Variants in NCOA7 observed in about 807,000 individuals in gnomAD.
NCOA7 encodes 140 kDa estrogen receptor-associated protein.
In NCOA7, 45 loss-of-function variants were observed where a neutral mutation model predicts 104.3. That is an observed-to-expected ratio of 0.43 (90% CI 0.34 to 0.55). The LOEUF is 0.55. Among genes scored for constraint, NCOA7 ranks in the 20% least tolerant of loss-of-function variants. The pLI is 0.02. For missense variants in NCOA7, 1,041 were observed against 1,119.7 expected (o/e 0.93, Z 1.00); for synonymous variants, 398 against 402.3 (o/e 0.99, Z 0.13).
intron 9 of NCOA7, 73 bp from the exon 10 acceptor site, chr6:125,890,565 ATTTT>A: frequency 7.2e-7 from 1 of 1,397,314 alleles, no homozygotes. Context: ...ATTGTGCACT[ATTTT>A]TTTTAAGTTG....
intron 13 of NCOA7, 124 bp from the exon 14 acceptor site, chr6:125,927,539 C>A: frequency 7.0e-6 from 5 of 711,796 alleles, no homozygotes; most frequent in Non-Finnish European, 1.2e-5. Flanking sequence ...AGTTTGAGTG[C>A]CAATTTAGTA....
chr6:125,930,477 T>C lies in NCOA7; in HGVS notation c.*1706T>C, dbSNP rs1418558740. ...AAAAATTTCAAATAATAACCAAAGC[T>C]GAAAAATGGTCTGTCATAAATTATT... On this transcript the variant is annotated 3_prime_UTR_variant, in exon 16 of 16. Transcript: ENST00000392477. The C allele has an allele frequency of 1.3e-5, 2 of 152,568 alleles. No individual in the cohort carries two copies. Among genetic ancestry groups the C allele is most frequent in the Non-Finnish European group, 2.9e-5 (2 of 68,026 alleles). 9.5% of individuals were successfully genotyped at this position (152,568 alleles called of 1,614,324 possible).
intron 10 of NCOA7, among the ~76,000 whole-genome samples, chr6:125,891,210 G>A (rs1583473937): frequency 6.6e-6 from 1 of 152,252 alleles, no homozygotes; most frequent in Middle Eastern, 3.4e-3. Flanking sequence ...ATAATTCTAG[G>A]GAATGAAAGA....
rs377089217 is a variant in NCOA7 at position 125,924,428 on chromosome 6, G to C, written c.2523+1594G>C. 1.1e-4 allele frequency among the ~76,000 whole-genome samples: 16 copies of C among 152,346 alleles called. No homozygotes were observed. In the South Asian group the frequency reaches 1.5e-3, roughly 14 times the overall value. On this transcript the variant is annotated intron_variant, in intron 13 of 15. Coordinates refer to ENST00000392477, the MANE Select transcript of NCOA7 (RefSeq NM_181782.5). ...TTGAGGACAACCAGACACTAACTTT[G>C]CTTTCTGCACCCCATCTACCCCGAA...
intron 10 of NCOA7, among the ~76,000 whole-genome samples, chr6:125,901,977 G>A (rs1396930223): frequency 6.6e-6 from 1 of 152,166 alleles, no homozygotes; most frequent in Non-Finnish European, 1.5e-5. Context: ...ATGTCCAGCT[G>A]CCTCTTTTCC....
At position 125,857,428 on chromosome 6, in the gene NCOA7, CAT is replaced by C. The variant is rs200023887; in HGVS notation, c.271+2201_271+2202del. ...ATATATATACACATACACACACACA[CAT>C]ATATATATATATTTTTTTTTTTAAG... is the stretch of plus-strand genomic sequence containing the variant. On this transcript the variant is annotated intron_variant, in intron 3 of 15. Transcript: ENST00000392477. Among the ~76,000 whole-genome samples the C allele has an allele frequency of 7.1e-3, 920 of 129,338 alleles. 7 individuals carry two copies. Among genetic ancestry groups the C allele is most frequent in the African/African-American group, 0.037 (890 of 24,182 alleles). The allele number at this position is 129,338 out of a possible 152,430, so 84.9% of individuals were successfully genotyped here.
chr6:125,845,520 A>T (rs1199987959), intron 2 of NCOA7, among the ~76,000 whole-genome samples: 2 of 152,184 alleles, frequency 1.3e-5, no homozygotes, highest in African/African-American at 4.8e-5. Context: ...TCATGCCTGT[A>T]ATCCCAGCAT....
intron 6 of NCOA7, among the ~76,000 whole-genome samples, chr6:125,881,772 TA>T (rs1242478250): frequency 2.8e-4 from 41 of 146,600 alleles, no homozygotes; most frequent in South Asian, 4.3e-4. Context: ...CTCCTTTTTT[TA>T]AAAAAAAAAA....
intron 10 of NCOA7, among the ~76,000 whole-genome samples, chr6:125,914,113 G>A (rs991350186): frequency 6.6e-6 from 1 of 152,166 alleles, no homozygotes; most frequent in African/African-American, 2.4e-5. Flanking sequence ...AACTAATCTT[G>A]AGGAAATAAT....
intron 3 of NCOA7, among the ~76,000 whole-genome samples, chr6:125,868,569 T>C (rs1479427690): frequency 6.6e-6 from 1 of 152,228 alleles, no homozygotes; most frequent in African/African-American, 2.4e-5. Flanking sequence ...AACCAACCTG[T>C]GATCAGAAAG....
At chr6:125,844,855 ACAG>A (rs1328757690) in intron 2 of NCOA7, among the ~76,000 whole-genome samples, 1 of 152,208 alleles carries the variant, frequency 6.6e-6, no homozygotes, top group Non-Finnish European at 1.5e-5. Flanking sequence ...AGTAAGAATA[ACAG>A]CAGCAGCACA....
At chr6:125,845,109 C>T (rs1277757904) in intron 2 of NCOA7, among the ~76,000 whole-genome samples, 3 of 152,150 alleles carry the variant, frequency 2.0e-5, no homozygotes, top group Non-Finnish European at 4.4e-5. Flanking sequence ...AGACTGAGCT[C>T]GTTCCATTGT....
chr6:125,832,387 GC>G (rs1005296945), intron 2 of NCOA7, among the ~76,000 whole-genome samples: 65 of 152,220 alleles, frequency 4.3e-4, no homozygotes, highest in African/African-American at 1.5e-3. Context: ...TTATCCCCCT[GC>G]TAGGGAGCCC....
intron 1 of NCOA7, among the ~76,000 whole-genome samples, chr6:125,795,083 G>A (rs1190979772): frequency 3.9e-5 from 6 of 152,156 alleles, no homozygotes; most frequent in African/African-American, 1.4e-4. Flanking sequence ...TAATTGTTAA[G>A]TTGGTTGAAT....
intron 10 of NCOA7, among the ~76,000 whole-genome samples, chr6:125,913,051 A>G (rs976883039): frequency 2.0e-5 from 3 of 152,206 alleles, no homozygotes; most frequent in African/African-American, 7.2e-5. Flanking sequence ...CTCCCACCCC[A>G]TTCCATTCCC....
At chr6:125,836,813 G>A (rs542603466) in intron 2 of NCOA7, among the ~76,000 whole-genome samples, 11 of 152,162 alleles carry the variant, frequency 7.2e-5, no homozygotes, top group East Asian at 1.9e-4. Context: ...AAAAGAACAC[G>A]TAGTAAAATC....
At chr6:125,877,555 G>A (rs890787888) in intron 4 of NCOA7, among the ~76,000 whole-genome samples, 3 of 152,190 alleles carry the variant, frequency 2.0e-5, no homozygotes, top group Admixed American at 2.0e-4. Context: ...TTCCTGTGAA[G>A]TTTCTCATCT....
intron 4 of NCOA7, among the ~76,000 whole-genome samples, chr6:125,876,735 G>A (rs981627182): frequency 6.6e-6 from 1 of 152,086 alleles, no homozygotes; most frequent in Non-Finnish European, 1.5e-5. Flanking sequence ...TTTTGTGCTT[G>A]TCATTGGAAA....
intron 1 of NCOA7, among the ~76,000 whole-genome samples, chr6:125,807,670 A>T (rs78587075): frequency 6.6e-6 from 1 of 152,176 alleles, no homozygotes; most frequent in Non-Finnish European, 1.5e-5. Flanking sequence ...GCTATCCAGG[A>T]TGTTATTAAG....
Sources: allele counts gnomAD v4.1 joint callset (sites outside exome capture counted in the v4.1 genomes callset), GRCh38; gene constraint gnomAD v4.1.1; transcripts MANE v1.5; gene names NCBI Gene and HGNC (gene_info 2026-07-23, HGNC 2026-07-21).